Variants in NR3C2 observed in about 807,000 individuals in gnomAD.
NR3C2 encodes the protein mineralocorticoid receptor.
In NR3C2, 15 loss-of-function variants were observed where a neutral mutation model predicts 86.4. That is an observed-to-expected ratio of 0.17 (90% CI 0.12 to 0.27). The LOEUF (loss-of-function observed/expected upper bound fraction) is 0.27, where lower values mean the gene tolerates loss of function less well. NR3C2 is among the 10% of genes least tolerant of loss of function. The pLI is 1.00. For missense variants in NR3C2, 960 were observed against 1,195.6 expected (o/e 0.80, Z 2.91); for synonymous variants, 458 against 450.5 (o/e 1.02, Z -0.21).
At chr4:148,315,215 G>C (rs72655293) in intron 2 of NR3C2, among the ~76,000 whole-genome samples, 9 of 152,050 alleles carry the variant, frequency 5.9e-5, no homozygotes, top group Non-Finnish European at 1.0e-4. Context: ...TCCCATGGTT[G>C]AGCATACTCA....
intron 2 of NR3C2, among the ~76,000 whole-genome samples, chr4:148,351,469 T>C (rs937025882): frequency 3.3e-5 from 5 of 152,114 alleles, no homozygotes; most frequent in Non-Finnish European, 5.9e-5. Context: ...ATATGTAACA[T>C]TTGCCTCTTT....
chr4:148,180,936 CT>C (rs1735615331), intron 4 of NR3C2, among the ~76,000 whole-genome samples: 1 of 152,164 alleles, frequency 6.6e-6, no homozygotes, highest in South Asian at 2.1e-4. Context: ...CCCTCTTCCC[CT>C]AGTTGCCTTC....
intron 2 of NR3C2, among the ~76,000 whole-genome samples, chr4:148,314,776 T>C (rs924214429): frequency 6.6e-6 from 1 of 152,176 alleles, no homozygotes; most frequent in Non-Finnish European, 1.5e-5. Context: ...TTACACCTCA[T>C]TTATCACAGC....
intron 6 of NR3C2, among the ~76,000 whole-genome samples, chr4:148,132,686 C>T (rs902880279): frequency 6.6e-6 from 1 of 152,126 alleles, no homozygotes; most frequent in Non-Finnish European, 1.5e-5. Flanking sequence ...TAATGATTTG[C>T]TTATTCCGAG....
chr4:148,380,944 G>T lies in NR3C2; in HGVS notation c.1757+54160C>A, dbSNP rs560817683. Among the ~76,000 whole-genome samples the T allele has an allele frequency of 2.0e-4, 31 of 152,158 alleles. No individual in the cohort carries two copies. In the East Asian group the frequency reaches 5.2e-3, roughly 26 times the overall value. On this transcript the variant is annotated intron_variant, in intron 2 of 8. Transcript: ENST00000358102. ...ATATAATACACATATACTTTATCCT[G>T]CATTACTAAAAACTGTTAATCAAGA...
intron 2 of NR3C2, among the ~76,000 whole-genome samples, chr4:148,413,406 A>C (rs878152): frequency 0.069 from 10,475 of 152,140 alleles, 453 homozygotes; most frequent in African/African-American, 0.13. Context: ...ACATTGAAAA[A>C]TGCCTTCATG....
intron 2 of NR3C2, among the ~76,000 whole-genome samples, chr4:148,319,667 G>T (rs1163236543): frequency 6.7e-6 from 1 of 148,766 alleles, no homozygotes; most frequent in Non-Finnish European, 1.5e-5. Flanking sequence ...CTCATGATTT[G>T]GATCTCTGTT....
At chr4:148,292,988 G>A (rs1387871558) in intron 2 of NR3C2, among the ~76,000 whole-genome samples, 3 of 152,176 alleles carry the variant, frequency 2.0e-5, no homozygotes, top group East Asian at 3.9e-4. Flanking sequence ...TAGCTGCACA[G>A]AACACTACAA....
intron 2 of NR3C2, among the ~76,000 whole-genome samples, chr4:148,405,940 T>C (rs1748401335): frequency 6.6e-6 from 1 of 152,164 alleles, no homozygotes; most frequent in African/African-American, 2.4e-5. Flanking sequence ...GGTCAGACGG[T>C]CAAGACCAGC....
At chr4:148,432,191 T>C (rs1749827209) in intron 2 of NR3C2, among the ~76,000 whole-genome samples, 1 of 152,256 alleles carries the variant, frequency 6.6e-6, no homozygotes, top group South Asian at 2.1e-4. Flanking sequence ...CTGTCACACT[T>C]AATAGAAGAC....
At position 148,154,630 on chromosome 4, in the gene NR3C2, G is replaced by A. The variant is rs147478460; in HGVS notation, c.2286C>T (p.Ala762=). 9.3e-6 allele frequency: 15 copies of A among 1,614,124 alleles called. No homozygotes were observed. The highest frequency in any genetic ancestry group is 1.3e-5 in the Non-Finnish European group (15 of 1,180,032). Residue 762 remains alanine (A), a synonymous_variant, in exon 5 of 9, where the codon GCC becomes GCT. Coordinates refer to ENST00000358102, the MANE Select transcript of NR3C2 (RefSeq NM_000901.5). Reference sequence around the variant, plus strand: ...GGTTGAGCGTGGAGAGCAGATTTTCGGCTGTATCTGGTTTTGAGCTGTCAT... The same window carrying A: ...GGTTGAGCGTGGAGAGCAGATTTTCAGCTGTATCTGGTTTTGAGCTGTCAT... The part of the protein sequence containing the change: ...AGYDSSKPDT[A]ENLLSTLNRL...
intron 3 of NR3C2, among the ~76,000 whole-genome samples, chr4:148,228,070 AAGAG>A (rs1738266346): frequency 6.6e-6 from 1 of 152,178 alleles, no homozygotes; most frequent in African/African-American, 2.4e-5. Flanking sequence ...TGTTCACATA[AAGAG>A]ACACACATAG....
intron 3 of NR3C2, among the ~76,000 whole-genome samples, chr4:148,217,612 G>T (rs1192967913): frequency 6.6e-6 from 1 of 152,088 alleles, no homozygotes; most frequent in African/African-American, 2.4e-5. Flanking sequence ...TCTTTTTGCT[G>T]ACCTATGCTG....
At chr4:148,368,222 T>C (rs1190219964) in intron 2 of NR3C2, 4 of 152,172 alleles carry the variant, frequency 2.6e-5, no homozygotes, top group Non-Finnish European at 4.4e-5. Flanking sequence ...TCAAATCCCA[T>C]AGCCCCACAA....
chr4:148,400,404 T>C (rs1333544881), intron 2 of NR3C2, among the ~76,000 whole-genome samples: 2 of 152,168 alleles, frequency 1.3e-5, no homozygotes, highest in African/African-American at 4.8e-5. Flanking sequence ...TTTTTGCTCT[T>C]GGAGATTGTT....
At chr4:148,201,134 T>G (rs1019795182) in intron 3 of NR3C2, 9 of 152,182 alleles carry the variant, frequency 5.9e-5, no homozygotes, top group African/African-American at 2.2e-4. Flanking sequence ...CCATCTTCTG[T>G]AGAGCCTGCA....
chr4:148,359,836 T>G (rs543981713), intron 2 of NR3C2, among the ~76,000 whole-genome samples: 1 of 152,144 alleles, frequency 6.6e-6, no homozygotes, highest in African/African-American at 2.4e-5. Flanking sequence ...GGCAATGTAA[T>G]GTACAGGAGA....
upstream of NR3C2, chr4:148,444,478 G>A: frequency 2.0e-6 from 2 of 985,900 alleles, no homozygotes; most frequent in Non-Finnish European, 2.4e-6. Flanking sequence ...GCGCTCTCCG[G>A]ACCCCCTCTC....
At chr4:148,145,970 G>A (rs1733850113) in intron 6 of NR3C2, among the ~76,000 whole-genome samples, 1 of 152,094 alleles carries the variant, frequency 6.6e-6, no homozygotes, top group African/African-American at 2.4e-5. Flanking sequence ...AAACGAAGGA[G>A]CAGGGAGAAG....
Sources: allele counts gnomAD v4.1 joint callset (sites outside exome capture counted in the v4.1 genomes callset), GRCh38; gene constraint gnomAD v4.1.1; transcripts MANE v1.5; gene names NCBI Gene and HGNC (gene_info 2026-07-23, HGNC 2026-07-21).